Variants in RASSF8 observed in about 807,000 individuals in gnomAD.
RASSF8 encodes the protein Ras association domain family member 8.
A neutral mutation model predicts 48.5 loss-of-function variants in RASSF8; 22 were observed. The ratio of observed to expected loss-of-function variants is 0.45; its 90% CI spans 0.32 to 0.65. RASSF8 has a LOEUF of 0.65. Among genes scored for constraint, RASSF8 ranks in the 30% least tolerant of loss-of-function variants. The pLI is 0.03. For synonymous variants in RASSF8, 127 were observed against 171.5 expected, an observed-to-expected ratio of 0.74 and a Z score of 2.03; for missense variants, 418 against 489.2, an observed-to-expected ratio of 0.85 and a Z score of 1.37.
intron 2 of RASSF8, among the ~76,000 whole-genome samples, chr12:26,041,952 A>G (rs1283490052): frequency 6.6e-6 from 1 of 152,174 alleles, no homozygotes; most frequent in African/African-American, 2.4e-5. Context: ...CCAAAACCTA[A>G]CAATTGTTTT....
At chr12:26,045,208 A>G (rs1288975704) in intron 2 of RASSF8, among the ~76,000 whole-genome samples, 1 of 152,178 alleles carries the variant, frequency 6.6e-6, no homozygotes, top group Non-Finnish European at 1.5e-5. Context: ...ACAAAGACTC[A>G]TAGGGATCAT....
intron 2 of RASSF8, among the ~76,000 whole-genome samples, chr12:26,050,679 T>TA (rs896499148): frequency 1.3e-5 from 2 of 152,226 alleles, no homozygotes; most frequent in African/African-American, 4.8e-5. Flanking sequence ...AGACAGGAGT[T>TA]AAAATTAATG....
At chr12:25,978,085 A>G (rs371716719) in intron 1 of RASSF8, among the ~76,000 whole-genome samples, 3 of 152,154 alleles carry the variant, frequency 2.0e-5, no homozygotes, top group Non-Finnish European at 4.4e-5. Flanking sequence ...ATGCACTTTG[A>G]TGGCATTTTA....
intron 1 of RASSF8, among the ~76,000 whole-genome samples, chr12:25,962,184 A>C (rs1149806): frequency 0.98 from 149,571 of 152,268 alleles, 73,490 homozygotes; most frequent in Middle Eastern, 1. Flanking sequence ...TGATCTCTAC[A>C]TCCACTTGCA....
chr12:25,996,090 G>A (rs541084555), intron 2 of RASSF8, among the ~76,000 whole-genome samples: 3 of 152,172 alleles, frequency 2.0e-5, no homozygotes, highest in Non-Finnish European at 2.9e-5. Context: ...TTGCCCTTTT[G>A]TAGACCCTGG....
chr12:25,994,865 T>C (rs1942096554), intron 1 of RASSF8, 172 bp from the exon 2 acceptor site: 1 of 152,168 alleles, frequency 6.6e-6, no homozygotes, highest in Admixed American at 6.5e-5. Context: ...GGACTGCAAT[T>C]CAAATGGCTA....
At chr12:26,078,044 T>C (rs1015430514) in intron 5 of RASSF8, among the ~76,000 whole-genome samples, 6 of 152,182 alleles carry the variant, frequency 3.9e-5, no homozygotes, top group Non-Finnish European at 8.8e-5. Context: ...CCGGGAAGAC[T>C]CTGATGAGGA....
chr12:26,035,441 A>ATATAATTATATGAAATTATATAATT (rs1565629592), intron 2 of RASSF8, among the ~76,000 whole-genome samples: 8 of 23,786 alleles, frequency 3.4e-4, no homozygotes, highest in African/African-American at 8.0e-4. Context: ...ATAATTATAT[A>ATATAATTATATGAAATTATATAATT]ATATAAGTAT....
At chr12:26,043,206 C>G (rs1050799063) in intron 2 of RASSF8, among the ~76,000 whole-genome samples, 2 of 152,152 alleles carry the variant, frequency 1.3e-5, no homozygotes, top group Non-Finnish European at 2.9e-5. Context: ...GTGGCCACCT[C>G]CACACCAAAA....
chr12:26,048,128 C>G (rs551202113), intron 2 of RASSF8, among the ~76,000 whole-genome samples: 1 of 152,138 alleles, frequency 6.6e-6, no homozygotes, highest in Non-Finnish European at 1.5e-5. Flanking sequence ...GCAATTGAGC[C>G]GGGTTGACTT....
chr12:25,980,785 T>G (rs1029109645), intron 1 of RASSF8, among the ~76,000 whole-genome samples: 1 of 152,160 alleles, frequency 6.6e-6, no homozygotes, highest in Admixed American at 6.5e-5. Context: ...AAAATCACTC[T>G]AATTAAAAAA....
intron 1 of RASSF8, among the ~76,000 whole-genome samples, chr12:25,980,061 C>T (rs1941703421): frequency 1.3e-5 from 2 of 152,204 alleles, no homozygotes; most frequent in South Asian, 2.1e-4. Flanking sequence ...GAGAAACTAG[C>T]TCCTATCCTT....
At chr12:26,010,190 T>C (rs932221480) in intron 2 of RASSF8, among the ~76,000 whole-genome samples, 6 of 139,402 alleles carry the variant, frequency 4.3e-5, no homozygotes, top group African/African-American at 1.2e-4. Context: ...TGTTCCTCTT[T>C]CATTTAGGAG....
chr12:25,979,689 G>C (rs73077123), intron 1 of RASSF8, among the ~76,000 whole-genome samples: 14,636 of 152,242 alleles, frequency 0.096, 748 homozygotes, highest in Middle Eastern at 0.15. Context: ...AGCAGAGCTA[G>C]GATTCGAGGC....
chr12:25,999,902 A>G (rs1465025906), intron 2 of RASSF8, among the ~76,000 whole-genome samples: 2 of 152,236 alleles, frequency 1.3e-5, no homozygotes, highest in Non-Finnish European at 2.9e-5. Context: ...ATTGGCCTGT[A>G]GAAAGGAAAC....
chr12:26,054,000 A>G (rs1473858), intron 2 of RASSF8, among the ~76,000 whole-genome samples: 1 of 152,228 alleles, frequency 6.6e-6, no homozygotes, highest in Non-Finnish European at 1.5e-5. Context: ...TGTAGTAACT[A>G]CTGTTTTACA....
intron 2 of RASSF8, among the ~76,000 whole-genome samples, chr12:26,025,164 T>G (rs537506919): frequency 2.8e-4 from 42 of 152,282 alleles, no homozygotes; most frequent in African/African-American, 9.6e-4. Context: ...ACTGAATGCT[T>G]TCTCCTGAAG....
intron 2 of RASSF8, among the ~76,000 whole-genome samples, chr12:26,040,383 G>A (rs138972728): frequency 1.9e-3 from 282 of 152,290 alleles, no homozygotes; most frequent in African/African-American, 6.1e-3. Context: ...TAGGACATGC[G>A]GTGAAGGTTA....
chr12:26,065,515 T>C (rs939471506), intron 4 of RASSF8, 128 bp downstream of exon 4: 1 of 1,246,122 alleles, frequency 8.0e-7, no homozygotes, highest in African/African-American at 1.5e-5. Context: ...TTTAAAACTT[T>C]TGTCGAACTC....
Sources: allele counts gnomAD v4.1 joint callset (sites outside exome capture counted in the v4.1 genomes callset), GRCh38; gene constraint gnomAD v4.1.1; transcripts MANE v1.5; gene names NCBI Gene and HGNC (gene_info 2026-07-23, HGNC 2026-07-21).